Variants in MECOM observed in about 807,000 individuals in gnomAD.
MECOM encodes the protein histone-lysine N-methyltransferase MECOM.
Under a neutral mutation model 116.3 loss-of-function variants are expected in MECOM, and 13 were observed. The observed-to-expected ratio is 0.11, with a 90% CI of 0.07 to 0.18. The LOEUF (loss-of-function observed/expected upper bound fraction) is 0.18, where lower values mean the gene tolerates loss of function less well. Ranked by LOEUF, MECOM falls within the 10% of genes least tolerant of loss-of-function variation. The pLI, the probability that MECOM is intolerant of heterozygous loss-of-function variation, is 1.00. For missense variants in MECOM, 1,299 were observed against 1,509.0 expected (o/e 0.86, Z 2.31); for synonymous variants, 528 against 535.2 (o/e 0.99, Z 0.19).
intron 1 of MECOM, among the ~76,000 whole-genome samples, chr3:169,613,259 G>A (rs939446283): frequency 1.3e-5 from 2 of 152,144 alleles, no homozygotes; most frequent in African/African-American, 4.8e-5. Flanking sequence ...TGTTTGTTGA[G>A]AGGTCACAAT....
chr3:169,658,149 G>A (rs1775758926), intron 1 of MECOM, among the ~76,000 whole-genome samples: 2 of 152,326 alleles, frequency 1.3e-5, no homozygotes, highest in South Asian at 4.1e-4. Flanking sequence ...GGGAAGTCGG[G>A]AGGGAACTAA....
intron 16 of MECOM, among the ~76,000 whole-genome samples, chr3:169,087,654 A>C (rs1413814102): frequency 6.6e-6 from 1 of 150,894 alleles, no homozygotes; most frequent in East Asian, 1.9e-4. Flanking sequence ...GTTATCTCTA[A>C]TCAACAAGGA....
intron 2 of MECOM, among the ~76,000 whole-genome samples, chr3:169,172,923 A>G (rs906951116): frequency 1.3e-5 from 2 of 152,170 alleles, no homozygotes; most frequent in African/African-American, 4.8e-5. Flanking sequence ...GACACTGGAA[A>G]TGAGGACACT....
intron 2 of MECOM, among the ~76,000 whole-genome samples, chr3:169,213,540 G>A (rs902641273): frequency 6.6e-6 from 1 of 152,006 alleles, no homozygotes; most frequent in African/African-American, 2.4e-5. Context: ...CATTTTCAAA[G>A]AGGGACACAC....
intron 2 of MECOM, among the ~76,000 whole-genome samples, chr3:169,255,733 C>T (rs1420398900): frequency 1.3e-5 from 2 of 152,076 alleles, no homozygotes; most frequent in African/African-American, 4.8e-5. Flanking sequence ...TGTATTGTGG[C>T]TTAAACATAA....
rs573082792 is a variant in MECOM at position 169,506,038 on chromosome 3, A to G, written c.38-124514T>C. On this transcript the variant is annotated intron_variant, in intron 1 of 16. Coordinates refer to ENST00000651503, the MANE Select transcript of MECOM (RefSeq NM_004991.4). ...CAAAAACCCACTTGTCCATTATATA[A>G]TTGGAATGAAAGGCAAAATGTTGCC... Among the ~76,000 whole-genome samples, 8 of 152,284 alleles carry G rather than the reference A, an allele frequency of 5.3e-5. No individual in the cohort carries two copies. In the East Asian group the frequency reaches 7.7e-4, roughly 15 times the overall value.
chr3:169,507,792 G>A (rs555843305), intron 1 of MECOM, among the ~76,000 whole-genome samples: 1 of 143,586 alleles, frequency 7.0e-6, no homozygotes, highest in South Asian at 2.2e-4. Context: ...CTCCCGAGTA[G>A]CTGGGACCAC....
At chr3:169,504,192 T>TGTGTGTGTGTGTGTGTGTG (rs1560366032) in intron 1 of MECOM, among the ~76,000 whole-genome samples, 1 of 144,996 alleles carries the variant, frequency 6.9e-6, no homozygotes, top group Admixed American at 6.8e-5. Context: ...TGTGTGTGTG[T>TGTGTGTGTGTGTGTGTGTG]TTAAATTAAA....
intron 1 of MECOM, among the ~76,000 whole-genome samples, chr3:169,548,454 A>G (rs1164281047): frequency 1.3e-5 from 2 of 152,256 alleles, no homozygotes; most frequent in African/African-American, 4.8e-5. Context: ...CGCAATTAAT[A>G]GCTGCAGCAA....
intron 2 of MECOM, among the ~76,000 whole-genome samples, chr3:169,273,257 T>G (rs1759170395): frequency 6.6e-6 from 1 of 152,118 alleles, no homozygotes; most frequent in Admixed American, 6.6e-5. Context: ...ACTATATGAT[T>G]TTGTATATCC....
intron 2 of MECOM, among the ~76,000 whole-genome samples, chr3:169,188,477 T>A (rs1027857644): frequency 6.6e-5 from 10 of 152,010 alleles, no homozygotes; most frequent in South Asian, 2.1e-4. Context: ...AGCTTTTTAT[T>A]TATCTGAGTA....
rs2149082257 is a variant in MECOM, at chr3:169,116,586, C to T, written c.1286G>A (p.Gly429Asp). 6 of 1,614,180 alleles carry T rather than the reference C, an allele frequency of 3.7e-6. No homozygotes were observed. The highest frequency in any genetic ancestry group is 5.1e-6 in the Non-Finnish European group (6 of 1,180,028). The change falls in exon 8 of 17, where the codon GGC (glycine) becomes GAC (aspartate). Residue 429 changes from glycine to aspartate, a missense_variant. Physicochemically the swap from Gly to Asp is moderately conservative, Grantham distance 94 (BLOSUM62 -1). Coordinates refer to ENST00000651503, the MANE Select transcript of MECOM (RefSeq NM_004991.4). ...SLNKHRRFCE[G>D]KNHFAAGGFF... The stretch of plus-strand genomic sequence containing the variant: ...TCCACCTGCCGCAAAATGGTTCTTG[C>T]CCTCACAAAACCTCCTGTGTTTATT...
At chr3:169,502,433 T>C (rs1578280554) in intron 1 of MECOM, among the ~76,000 whole-genome samples, 1 of 152,136 alleles carries the variant, frequency 6.6e-6, no homozygotes. Flanking sequence ...TGCTTTCCTT[T>C]AATTCTGTGT....
chr3:169,610,444 C>G (rs1208873387), intron 1 of MECOM, among the ~76,000 whole-genome samples: 2 of 151,766 alleles, frequency 1.3e-5, no homozygotes, highest in African/African-American at 4.8e-5. Flanking sequence ...AAAGTGTTGA[C>G]CAATTTAATC....
chr3:169,266,458 A>AAATG (rs1758318036), intron 2 of MECOM, among the ~76,000 whole-genome samples: 1 of 152,220 alleles, frequency 6.6e-6, no homozygotes, highest in South Asian at 2.1e-4. Context: ...CTAAATCGTT[A>AAATG]AATGATTTTT....
At chr3:169,612,588 G>A (rs1408162009) in intron 1 of MECOM, among the ~76,000 whole-genome samples, 5 of 151,842 alleles carry the variant, frequency 3.3e-5, no homozygotes, top group Admixed American at 2.0e-4. Context: ...AGAGTATCTC[G>A]TAAGCTTTGA....
intron 2 of MECOM, chr3:169,145,072 G>C (rs1308520200): frequency 6.6e-7 from 1 of 1,510,854 alleles, no homozygotes; most frequent in South Asian, 1.3e-5. Flanking sequence ...TGGCCATGAG[G>C]AAATTGAAGG....
intron 2 of MECOM, among the ~76,000 whole-genome samples, chr3:169,306,469 G>C (rs1438043060): frequency 6.6e-6 from 1 of 152,150 alleles, no homozygotes; most frequent in Non-Finnish European, 1.5e-5. Flanking sequence ...ATCACCTGAG[G>C]TCAGGAGTTT....
At chr3:169,632,744 T>C (rs2109977389) in intron 1 of MECOM, among the ~76,000 whole-genome samples, 1 of 152,378 alleles carries the variant, frequency 6.6e-6, no homozygotes, top group Middle Eastern at 3.4e-3. Context: ...TTCATGAAAT[T>C]CATGGCAACC....
Sources: allele counts gnomAD v4.1 joint callset (sites outside exome capture counted in the v4.1 genomes callset), GRCh38; gene constraint gnomAD v4.1.1; transcripts MANE v1.5; gene names NCBI Gene and HGNC (gene_info 2026-07-23, HGNC 2026-07-21).